The following TBC1D22A variants were observed in gnomAD, a reference collection of about 807,000 sequenced individuals.
The protein encoded by TBC1D22A is putative GTPase activator.
In TBC1D22A, 38 loss-of-function variants were observed where a neutral mutation model predicts 60.2. The observed-to-expected ratio is 0.63, with a 90% CI of 0.49 to 0.83. The LOEUF is 0.83. Among genes scored for constraint, TBC1D22A ranks in the 40% least tolerant of loss-of-function variants. The pLI, the probability that TBC1D22A is intolerant of heterozygous loss-of-function variation, is 0.00. For synonymous variants in TBC1D22A, 302 were observed against 281.7 expected (o/e 1.07, Z -0.72); for missense variants, 628 against 701.0 (o/e 0.90, Z 1.18).
At chr22:46,819,199 C>G (rs1048760318) in intron 4 of TBC1D22A, among the ~76,000 whole-genome samples, 2 of 152,204 alleles carry the variant, frequency 1.3e-5, no homozygotes, top group African/African-American at 2.4e-5. Flanking sequence ...CTTGACTCCT[C>G]TCTTCCTATT....
chr22:46,883,590 A>G (rs914099119), intron 5 of TBC1D22A, among the ~76,000 whole-genome samples: 1 of 152,002 alleles, frequency 6.6e-6, no homozygotes, highest in Non-Finnish European at 1.5e-5. Flanking sequence ...GGGGAGTGGG[A>G]AGTATTTCTG....
intron 11 of TBC1D22A, among the ~76,000 whole-genome samples, chr22:47,039,667 G>C (rs2062770278): frequency 6.7e-6 from 1 of 149,280 alleles, no homozygotes; most frequent in Admixed American, 6.7e-5. Flanking sequence ...TGCTCCCCCA[G>C]GGGTCGCGTG....
chr22:47,060,840 G>A (rs941236431), intron 11 of TBC1D22A, among the ~76,000 whole-genome samples: 2 of 152,180 alleles, frequency 1.3e-5, no homozygotes, highest in Admixed American at 6.5e-5. Flanking sequence ...ATGTGTCTGA[G>A]GTTGCTTCCC....
chr22:47,089,589 G>T (rs1265475521), intron 11 of TBC1D22A, among the ~76,000 whole-genome samples: 1 of 152,224 alleles, frequency 6.6e-6, no homozygotes, highest in African/African-American at 2.4e-5. Flanking sequence ...GAGTGAGGCC[G>T]GCAGGGTGGG....
chr22:46,950,977 T>TA (rs1399904067), intron 8 of TBC1D22A, among the ~76,000 whole-genome samples: 2 of 152,188 alleles, frequency 1.3e-5, no homozygotes, highest in Non-Finnish European at 2.9e-5. Context: ...TGTCCTGAAA[T>TA]ACGTGTGTGA....
intron 1 of TBC1D22A, among the ~76,000 whole-genome samples, chr22:46,773,026 G>A (rs934059692): frequency 1.3e-5 from 2 of 152,192 alleles, no homozygotes; most frequent in African/African-American, 4.8e-5. Flanking sequence ...AGTGTAGCAC[G>A]GCCTGCCTGT....
intron 11 of TBC1D22A, among the ~76,000 whole-genome samples, chr22:47,110,440 C>T (rs1485401595): frequency 6.6e-6 from 1 of 152,156 alleles, no homozygotes; most frequent in Non-Finnish European, 1.5e-5. Flanking sequence ...GATCACACTA[C>T]TACCCTCCAG....
chr22:46,981,413 G>A (rs944386827), intron 9 of TBC1D22A, among the ~76,000 whole-genome samples: 3 of 152,186 alleles, frequency 2.0e-5, no homozygotes, highest in Non-Finnish European at 4.4e-5. Context: ...CTGCCTCTCA[G>A]TGATTAGTAG....
At chr22:46,794,663 G>T (rs1008143103) in intron 3 of TBC1D22A, among the ~76,000 whole-genome samples, 1 of 152,232 alleles carries the variant, frequency 6.6e-6, no homozygotes, top group Non-Finnish European at 1.5e-5. Flanking sequence ...CAGCAAGGGG[G>T]CACAGAGCGT....
rs571239362 is a variant in TBC1D22A, at chr22:47,076,363, A to G, written c.1330-35145A>G. Among the ~76,000 whole-genome samples, 482 of 85,998 alleles carry G rather than the reference A, an allele frequency of 5.6e-3. 3 individuals are homozygous for G. The highest frequency in any genetic ancestry group is 7.8e-3 in the Admixed American group (58 of 7,412). The allele number at this position is 85,998 out of a possible 152,430, so 56.4% of individuals were successfully genotyped here. ...TGTGTATATATATATATGTGTGTGTATATATATATATATATATACACACAC... is the reference window on the plus strand; with the variant it reads ...TGTGTATATATATATATGTGTGTGTGTATATATATATATATATACACACAC... On this transcript the variant is annotated intron_variant, in intron 11 of 12. Transcript: ENST00000337137.
intron 4 of TBC1D22A, among the ~76,000 whole-genome samples, chr22:46,819,580 A>C (rs2085742049): frequency 6.6e-6 from 1 of 152,186 alleles, no homozygotes; most frequent in Non-Finnish European, 1.5e-5. Flanking sequence ...AATCCCAGGG[A>C]TGAAGCCTAC....
At chr22:46,793,870 T>G (rs1280044375) in intron 3 of TBC1D22A, 29 bp downstream of exon 3, 1 of 1,505,996 alleles carries the variant, frequency 6.6e-7, no homozygotes, top group Non-Finnish European at 8.9e-7. Flanking sequence ...AGAGATGGTC[T>G]GGGTTTCTGG....
At chr22:46,821,203 G>C (rs1329592429) in intron 4 of TBC1D22A, among the ~76,000 whole-genome samples, 1 of 151,994 alleles carries the variant, frequency 6.6e-6, no homozygotes, top group Non-Finnish European at 1.5e-5. Context: ...GCCAGTCTGT[G>C]TCTTTTAATT....
At chr22:47,102,211 G>C (rs1400498862) in intron 11 of TBC1D22A, among the ~76,000 whole-genome samples, 1 of 152,196 alleles carries the variant, frequency 6.6e-6, no homozygotes, top group African/African-American at 2.4e-5. Context: ...CTGGAGAACG[G>C]GGAGATCTTG....
At chr22:47,118,505 A>C (rs2147749838) in intron 12 of TBC1D22A, among the ~76,000 whole-genome samples, 1 of 152,362 alleles carries the variant, frequency 6.6e-6, no homozygotes, top group South Asian at 2.1e-4. Context: ...AACAGATTCA[A>C]AGATGCAATG....
intron 8 of TBC1D22A, among the ~76,000 whole-genome samples, chr22:46,925,029 A>G (rs984976511): frequency 6.6e-6 from 1 of 152,176 alleles, no homozygotes; most frequent in Non-Finnish European, 1.5e-5. Flanking sequence ...GTATTGATAG[A>G]GCTTTGAGTG....
At chr22:46,841,386 A>G (rs779413910) in intron 4 of TBC1D22A, among the ~76,000 whole-genome samples, 2 of 152,206 alleles carry the variant, frequency 1.3e-5, no homozygotes, top group Non-Finnish European at 2.9e-5. Flanking sequence ...ACCTGCCAGC[A>G]CCTTGATCTT....
intron 4 of TBC1D22A, among the ~76,000 whole-genome samples, chr22:46,827,351 C>G (rs1233993712): frequency 6.6e-6 from 1 of 152,218 alleles, no homozygotes; most frequent in Non-Finnish European, 1.5e-5. Context: ...CGGGAGAAAA[C>G]TGTGTTCAAT....
intron 12 of TBC1D22A, among the ~76,000 whole-genome samples, chr22:47,157,102 G>A (rs1192307857): frequency 1.3e-5 from 2 of 152,214 alleles, no homozygotes; most frequent in Non-Finnish European, 2.9e-5. Context: ...CCATCTGGGG[G>A]TGCAAGGCGC....
Sources: gnomAD v4.1 joint callset for allele counts (sites outside exome capture counted in the v4.1 genomes callset) on GRCh38, gnomAD v4.1.1 for gene constraint, MANE v1.5 for transcripts, NCBI Gene and HGNC (gene_info 2026-07-23, HGNC 2026-07-21) for gene names.